SPMAP2: variants seen among roughly 807,000 people sequenced by gnomAD.
SPMAP2 encodes sperm microtubule associated protein 2.
chr19:373,673 G>A, the SPMAP2 span: 157,140 of 730,414 alleles, frequency 0.22, 19,639 homozygotes, highest in Admixed American at 0.28. Context: ...AAGGACAGTG[G>A]GGGGGCCGGC....
the SPMAP2 span, among the ~76,000 whole-genome samples, chr19:369,013 A>G: frequency 6.6e-6 from 1 of 152,240 alleles, no homozygotes; most frequent in Non-Finnish European, 1.5e-5. Flanking sequence ...TGTTGGTATC[A>G]CGGAACCACT....
At chr19:370,869 G>A in the SPMAP2 span, among the ~76,000 whole-genome samples, 2 of 149,448 alleles carry the variant, frequency 1.3e-5, no homozygotes, top group Non-Finnish European at 3.0e-5. Context: ...AAGGTACAGG[G>A]CGTAGAGCGA....
the SPMAP2 span, among the ~76,000 whole-genome samples, chr19:370,619 G>A: frequency 6.6e-6 from 1 of 152,070 alleles, no homozygotes; most frequent in Non-Finnish European, 1.5e-5. Context: ...CAAAGTGCTG[G>A]GATGACAGGC....
At chr19:375,185 G>A in the SPMAP2 span, among the ~76,000 whole-genome samples, 1 of 152,190 alleles carries the variant, frequency 6.6e-6, no homozygotes, top group East Asian at 1.9e-4. Flanking sequence ...AGCGCCCCCA[G>A]TGCTGATTGG....
the SPMAP2 span, among the ~76,000 whole-genome samples, chr19:363,221 C>A: frequency 6.6e-6 from 1 of 152,334 alleles, no homozygotes. Flanking sequence ...GATACAGAGC[C>A]TTGCTCTGTC....
At chr19:372,086 C>T in the SPMAP2 span, among the ~76,000 whole-genome samples, 1 of 152,218 alleles carries the variant, frequency 6.6e-6, no homozygotes, top group Non-Finnish European at 1.5e-5. Flanking sequence ...GTGTGCGACA[C>T]CCACATCAAC....
chr19:365,833 C>T, the SPMAP2 span, among the ~76,000 whole-genome samples: 5 of 152,166 alleles, frequency 3.3e-5, 1 homozygote, highest in Admixed American at 1.3e-4. Context: ...ATTTGCTGGT[C>T]TGCTTCACGT....
the SPMAP2 span, chr19:362,316 G>T: frequency 3.7e-6 from 6 of 1,610,154 alleles, no homozygotes; most frequent in South Asian, 6.7e-5. Context: ...CGCACTTTGG[G>T]CTTGGCCAGG....
the SPMAP2 span, among the ~76,000 whole-genome samples, chr19:368,108 G>C: frequency 4.2e-4 from 64 of 152,156 alleles, no homozygotes; most frequent in African/African-American, 1.4e-3. The surrounding 1 kb of genome is among the most constrained non-coding windows in gnomAD (Gnocchi z 4.1). Flanking sequence ...GCAGCCCTTT[G>C]GGGGGTCGAG....
chr19:364,961 G>A, the SPMAP2 span, among the ~76,000 whole-genome samples: 64 of 152,168 alleles, frequency 4.2e-4, no homozygotes, highest in Non-Finnish European at 5.9e-4. Context: ...GAACTTCTGC[G>A]CAAATGAATA....
the SPMAP2 span, among the ~76,000 whole-genome samples, chr19:364,897 G>A: frequency 1.3e-5 from 2 of 152,116 alleles, no homozygotes; most frequent in African/African-American, 4.8e-5. Flanking sequence ...AAGGCTTCAG[G>A]GCCTTTGATT....
chr19:375,680 C>T, the SPMAP2 span: 2 of 1,586,554 alleles, frequency 1.3e-6, no homozygotes, highest in Non-Finnish European at 1.7e-6. Context: ...CAGGAATGTC[C>T]TCTTCCAAGT....
chr19:371,817 C>T, the SPMAP2 span, among the ~76,000 whole-genome samples: 1 of 152,230 alleles, frequency 6.6e-6, no homozygotes, highest in Non-Finnish European at 1.5e-5. Context: ...AGCTATGCCT[C>T]TGCTCGGAAA....
chr19:363,639 T>A, the SPMAP2 span, among the ~76,000 whole-genome samples: 192 of 152,142 alleles, frequency 1.3e-3, 1 homozygote, highest in Non-Finnish European at 1.4e-3. Flanking sequence ...GATCAAGTGA[T>A]TCTCCTGCCT....
At chr19:368,959 A>T in the SPMAP2 span, among the ~76,000 whole-genome samples, 2 of 152,130 alleles carry the variant, frequency 1.3e-5, no homozygotes, top group Non-Finnish European at 2.9e-5. This position sits in a 1 kb window ranked among gnomAD's most constrained non-coding sequence, Gnocchi z 4.1. Context: ...CAACTGCAGA[A>T]AGCCGTTGCT....
chr19:369,365 C>A, the SPMAP2 span, among the ~76,000 whole-genome samples: 1 of 150,520 alleles, frequency 6.6e-6, no homozygotes, highest in Non-Finnish European at 1.5e-5. Flanking sequence ...TGCAAGACGG[C>A]GGCCAGGATG....
At chr19:374,204 G>T in the SPMAP2 span, 2 of 1,561,854 alleles carry the variant, frequency 1.3e-6, no homozygotes, top group Non-Finnish European at 1.7e-6. Context: ...GCTGGGGGAG[G>T]GGAGCCGAGC....
the SPMAP2 span, chr19:376,012 C>T: frequency 4.3e-6 from 6 of 1,381,042 alleles, no homozygotes; most frequent in African/African-American, 7.4e-5. Flanking sequence ...ACTCTCCCGG[C>T]ACCCAAATGT....
chr19:366,181 C>T, the SPMAP2 span, among the ~76,000 whole-genome samples: 1 of 152,054 alleles, frequency 6.6e-6, no homozygotes, highest in Non-Finnish European at 1.5e-5. Context: ...GGGTGGAAGC[C>T]TCAACCCTCC....
Sources: gnomAD v4.1 joint callset for allele counts (sites outside exome capture counted in the v4.1 genomes callset) on GRCh38, gnomAD v4.1.1 for gene constraint, Gnocchi (gnomAD v3.1) non-coding constraint, MANE v1.5 for transcripts, NCBI Gene and HGNC (gene_info 2026-07-23, HGNC 2026-07-21) for gene names.